Variants in SUGCT observed in about 807,000 individuals in gnomAD.
SUGCT encodes the protein succinyl-CoA:glutarate CoA-transferase.
A neutral mutation model predicts 55.0 loss-of-function variants in SUGCT; 41 were observed. The ratio of observed to expected loss-of-function variants is 0.74; its 90% CI spans 0.58 to 0.97. The LOEUF is 0.97. Ranked by LOEUF, SUGCT falls within the 50% of genes least tolerant of loss-of-function variation. SUGCT has a pLI of 0.00. For synonymous variants in SUGCT, 187 were observed against 200.4 expected (o/e 0.93, Z 0.56); for missense variants, 568 against 547.8 (o/e 1.04, Z -0.37).
intron 13 of SUGCT, among the ~76,000 whole-genome samples, chr7:40,806,899 T>A (rs1791127849): frequency 6.6e-6 from 1 of 152,180 alleles, no homozygotes; most frequent in Non-Finnish European, 1.5e-5. Flanking sequence ...TCCATGCAGC[T>A]CCATGTGCAC....
chr7:40,405,384 T>C (rs1032714353), intron 9 of SUGCT, among the ~76,000 whole-genome samples: 2 of 152,172 alleles, frequency 1.3e-5, no homozygotes, highest in African/African-American at 4.8e-5. Flanking sequence ...TTTCTTTTTC[T>C]TTACCGCTAA....
intron 9 of SUGCT, among the ~76,000 whole-genome samples, chr7:40,411,610 C>T (rs1252054180): frequency 6.6e-6 from 1 of 151,978 alleles, no homozygotes; most frequent in African/African-American, 2.4e-5. Flanking sequence ...TGCCAGAGGC[C>T]AGGAAAGGTA....
At chr7:40,719,865 G>A (rs767825424) in intron 12 of SUGCT, among the ~76,000 whole-genome samples, 2 of 152,068 alleles carry the variant, frequency 1.3e-5, no homozygotes, top group South Asian at 2.1e-4. Flanking sequence ...GCACGATCTC[G>A]GTTCACTGCA....
chr7:40,205,640 C>CAA (rs67396482), intron 6 of SUGCT, among the ~76,000 whole-genome samples: 61 of 77,228 alleles, frequency 7.9e-4, no homozygotes, highest in Non-Finnish European at 1.0e-3. Flanking sequence ...AACTTCATCT[C>CAA]AAAAAAAAAA....
chr7:41,017,720 G>T, the SUGCT span, among the ~76,000 whole-genome samples: 2 of 148,766 alleles, frequency 1.3e-5, no homozygotes, highest in Non-Finnish European at 1.5e-5. Flanking sequence ...GCAGTGAGCC[G>T]AGATGGCACC....
chr7:40,958,545 C>A, the SUGCT span, among the ~76,000 whole-genome samples: 2 of 151,878 alleles, frequency 1.3e-5, no homozygotes, highest in Non-Finnish European at 2.9e-5. Flanking sequence ...ACTGGTTATT[C>A]TAGTTAGCAG....
rs188034836 is a variant in SUGCT at position 40,564,832 on chromosome 7, A to T, written c.1089+68446A>T. On this transcript the variant is annotated intron_variant, in intron 12 of 13. Coordinates refer to ENST00000335693, the MANE Select transcript of SUGCT (RefSeq NM_001193313.2). ...GTTAGTGAACTGGGCACTCTAAGAG[A>T]CGTATTTATTACTTCAGAGCAGGCT... is the stretch of plus-strand genomic sequence containing the variant. 2.1e-3 allele frequency among the ~76,000 whole-genome samples: 319 copies of T among 152,306 alleles called. 2 individuals are homozygous for T. Among genetic ancestry groups the T allele is most frequent in the African/African-American group, 7.3e-3 (302 of 41,564 alleles).
At chr7:40,208,697 G>A (rs1787150375) in intron 6 of SUGCT, among the ~76,000 whole-genome samples, 1 of 151,724 alleles carries the variant, frequency 6.6e-6, no homozygotes, top group African/African-American at 2.4e-5. Flanking sequence ...GGTGCACACC[G>A]CCATGTCCGG....
chr7:40,846,791 A>G (rs1245418425), intron 13 of SUGCT, among the ~76,000 whole-genome samples: 2 of 152,178 alleles, frequency 1.3e-5, no homozygotes, highest in Non-Finnish European at 1.5e-5. Flanking sequence ...ACGAGCACGC[A>G]CTTTGTATTT....
chr7:40,829,262 A>ACTGCTGCTGCTG (rs745318484), intron 13 of SUGCT, among the ~76,000 whole-genome samples: 1 of 151,822 alleles, frequency 6.6e-6, no homozygotes, highest in South Asian at 2.1e-4. Flanking sequence ...ATCCATAAGG[A>ACTGCTGCTGCTG]CTGCTGCTGC....
At chr7:40,160,359 G>T (rs1273531079) in intron 1 of SUGCT, among the ~76,000 whole-genome samples, 4 of 152,124 alleles carry the variant, frequency 2.6e-5, no homozygotes, top group Non-Finnish European at 4.4e-5. Context: ...CTCCCAAGTA[G>T]CTGGGATTAC....
At chr7:40,985,140 C>A in the SUGCT span, among the ~76,000 whole-genome samples, 2 of 152,074 alleles carry the variant, frequency 1.3e-5, no homozygotes, top group African/African-American at 4.8e-5. Context: ...GAACCCTAAC[C>A]CTGGCTTCAG....
At chr7:40,417,707 CTTGT>C (rs1046715139) in intron 9 of SUGCT, among the ~76,000 whole-genome samples, 2 of 105,728 alleles carry the variant, frequency 1.9e-5, no homozygotes, top group African/African-American at 6.4e-5. Context: ...TATATAAAAT[CTTGT>C]TTGACTGTAT....
chr7:40,993,350 G>A, the SUGCT span, among the ~76,000 whole-genome samples: 2 of 152,138 alleles, frequency 1.3e-5, no homozygotes, highest in African/African-American at 4.8e-5. Context: ...ATTATGGGAG[G>A]TAAAGGAGAT....
At chr7:40,670,169 CAAAAAAAA>C (rs34786531) in intron 12 of SUGCT, among the ~76,000 whole-genome samples, 20 of 58,240 alleles carry the variant, frequency 3.4e-4, no homozygotes, top group Non-Finnish European at 5.5e-4. Context: ...GACTCCATCT[CAAAAAAAA>C]AAAAAAAAAA....
At chr7:40,837,100 T>C (rs2128784516) in intron 13 of SUGCT, among the ~76,000 whole-genome samples, 1 of 152,328 alleles carries the variant, frequency 6.6e-6, no homozygotes, top group African/African-American at 2.4e-5. Context: ...CATCAGCATA[T>C]GGTGCTATCA....
At chr7:40,488,127 CT>C (rs1791484704) in intron 11 of SUGCT, among the ~76,000 whole-genome samples, 1 of 149,552 alleles carries the variant, frequency 6.7e-6, no homozygotes, top group Non-Finnish European at 1.5e-5. Flanking sequence ...TTTGTAGATT[CT>C]TTTTCTTTTC....
At chr7:40,944,437 C>A in the SUGCT span, among the ~76,000 whole-genome samples, 1 of 151,116 alleles carries the variant, frequency 6.6e-6, no homozygotes, top group African/African-American at 2.4e-5. Context: ...GTCTTTAATC[C>A]ATCTTGAATT....
chr7:40,244,384 A>T (rs923718092), intron 7 of SUGCT, among the ~76,000 whole-genome samples: 4 of 152,150 alleles, frequency 2.6e-5, no homozygotes, highest in African/African-American at 9.7e-5. Context: ...TAGGGAAAAC[A>T]ATAGGCCAGT....
Sources: allele counts gnomAD v4.1 joint callset (sites outside exome capture counted in the v4.1 genomes callset), GRCh38; gene constraint gnomAD v4.1.1; transcripts MANE v1.5; gene names NCBI Gene and HGNC (gene_info 2026-07-23, HGNC 2026-07-21).